The following SMARCAL1 variants were observed in gnomAD, a reference collection of about 807,000 sequenced individuals.
SMARCAL1 encodes the protein ATP-driven annealing helicase.
In SMARCAL1, 58 loss-of-function variants were observed where a neutral mutation model predicts 94.5. The ratio of observed to expected loss-of-function variants is 0.61; its 90% CI spans 0.50 to 0.76. SMARCAL1 has a LOEUF of 0.76. Ranked by LOEUF, SMARCAL1 falls within the 30% of genes least tolerant of loss-of-function variation. The probability of loss-of-function intolerance (pLI) is 0.00; values close to 1 mark genes in which losing one functional copy is unlikely to be tolerated. For synonymous variants in SMARCAL1, 422 were observed against 455.1 expected (o/e 0.93, Z 0.93); for missense variants, 1,051 against 1,177.9 (o/e 0.89, Z 1.58).
intron 10 of SMARCAL1, among the ~76,000 whole-genome samples, chr2:216,446,072 GT>G (rs2106049196): frequency 6.6e-6 from 1 of 152,182 alleles, no homozygotes; most frequent in African/African-American, 2.4e-5. Context: ...TTTACGTCCA[GT>G]AATTTGTAGT....
intron 12 of SMARCAL1, among the ~76,000 whole-genome samples, chr2:216,460,594 C>CAAA (rs1553531601): frequency 1.3e-5 from 2 of 149,612 alleles, no homozygotes; most frequent in Admixed American, 6.7e-5. Flanking sequence ...GGACAAAAAA[C>CAAA]CAAACACTGC....
chr2:216,427,470 G>A (rs1693860958), intron 6 of SMARCAL1: 2 of 152,210 alleles, frequency 1.3e-5, no homozygotes, highest in South Asian at 4.1e-4. Flanking sequence ...AAGATCACTA[G>A]AATTAAAATG....
chr2:216,424,237 G>A (rs1693783933), intron 6 of SMARCAL1, among the ~76,000 whole-genome samples: 1 of 152,196 alleles, frequency 6.6e-6, no homozygotes, highest in Non-Finnish European at 1.5e-5. Context: ...TAGCATAAGT[G>A]CAAGAAGAGG....
intron 6 of SMARCAL1, 115 bp from the exon 7 acceptor site, chr2:216,428,481 T>A (rs1204003029): frequency 2.0e-6 from 2 of 983,804 alleles, no homozygotes; most frequent in African/African-American, 3.2e-5. Context: ...ACCCATTATA[T>A]AGGGACCTAG....
chr2:216,413,540 T>G (rs146939532), intron 1 of SMARCAL1, among the ~76,000 whole-genome samples: 40 of 152,362 alleles, frequency 2.6e-4, no homozygotes, highest in African/African-American at 9.6e-4. Flanking sequence ...ATACTCTAAA[T>G]TATTAATTTC....
chr2:216,476,755 G>A (rs1293663384), intron 15 of SMARCAL1, among the ~76,000 whole-genome samples: 1 of 152,208 alleles, frequency 6.6e-6, no homozygotes, highest in African/African-American at 2.4e-5. Context: ...ATGGAAGTGT[G>A]CAGGCCTCCA....
In SMARCAL1 at chr2:216,478,945, C is replaced by G. The variant is rs528425100; in HGVS notation, c.2625+646C>G. 20 of 163,600 alleles carry G rather than the reference C, an allele frequency of 1.2e-4. No individual in the cohort carries two copies. In the East Asian group the frequency reaches 2.7e-3, roughly 22 times the overall value. The allele number at this position is 163,600 out of a possible 1,614,324, so 10.1% of individuals were successfully genotyped here. A position where few individuals can be genotyped will look rare whatever the true frequency, so the allele number is the denominator to read the frequency against. On this transcript the variant is annotated intron_variant, in intron 17 of 17. Coordinates refer to ENST00000357276, the MANE Select transcript of SMARCAL1 (RefSeq NM_014140.4). ...AAGGTGCTGAGGGGGAAGGCTGTTG[C>G]CTCTGAACAGGACAGCCCTGGGCCC...
intron 14 of SMARCAL1, among the ~76,000 whole-genome samples, chr2:216,471,654 C>G (rs1424721745): frequency 1.3e-5 from 2 of 152,168 alleles, no homozygotes; most frequent in Non-Finnish European, 2.9e-5. Flanking sequence ...ATGCCCAGCC[C>G]ACAGTGGCTA....
At chr2:216,467,430 C>G (rs1215049687) in intron 13 of SMARCAL1, among the ~76,000 whole-genome samples, 1 of 141,840 alleles carries the variant, frequency 7.1e-6, no homozygotes, top group Non-Finnish European at 1.5e-5. Flanking sequence ...GAGATTTCAG[C>G]ACTGCACTCC....
intron 7 of SMARCAL1, among the ~76,000 whole-genome samples, chr2:216,431,869 C>G (rs551067632): frequency 6.6e-6 from 1 of 152,274 alleles, no homozygotes; most frequent in East Asian, 1.9e-4. Flanking sequence ...TGGACAAGCA[C>G]CCTTCCTCCC....
rs1298353160 is a variant in SMARCAL1 at position 216,468,039 on chromosome 2, A to C, written c.2237A>C (p.Glu746Ala). The change falls in exon 14 of 18, where the codon GAG becomes GCG. Residue 746 changes from glutamate to alanine, a missense_variant. Physicochemically the swap from Glu to Ala is moderately radical, Grantham distance 107. This residue lies in a region of SMARCAL1 where 642 missense variants were observed against 754.7 expected (regional missense o/e 0.85). Coordinates refer to ENST00000357276, the MANE Select transcript of SMARCAL1 (RefSeq NM_014140.4). The stretch of plus-strand genomic sequence containing the variant: ...CTGGACGCAATTACGCAAGAGCTTG[A>C]GAGAAAGGTGAGCTCCCTTTGAAAT... ...VVLDAITQEL[E>A]RKHVQHIRID... The C allele has an allele frequency of 1.2e-6, 2 of 1,610,350 alleles. No individual in the cohort carries two copies. The highest frequency in any genetic ancestry group is 2.2e-5 in the East Asian group (1 of 44,850).
intron 4 of SMARCAL1, among the ~76,000 whole-genome samples, chr2:216,416,786 A>G (rs1693612879): frequency 6.6e-6 from 1 of 152,210 alleles, no homozygotes; most frequent in African/African-American, 2.4e-5. Context: ...GTAACAGTTC[A>G]GCAAACAGCA....
At chr2:216,455,410 G>A (rs543060166) in intron 12 of SMARCAL1, among the ~76,000 whole-genome samples, 1 of 152,300 alleles carries the variant, frequency 6.6e-6, no homozygotes, top group East Asian at 1.9e-4. Flanking sequence ...TCCTCAAGTG[G>A]GTCCCTGACC....
chr2:216,455,899 TC>T (rs1195822392), intron 12 of SMARCAL1, among the ~76,000 whole-genome samples: 1 of 152,160 alleles, frequency 6.6e-6, no homozygotes, highest in Non-Finnish European at 1.5e-5. Flanking sequence ...ATCAGATTTC[TC>T]TGAGCTAAAG....
At chr2:216,461,688 G>A (rs1007620733) in intron 12 of SMARCAL1, among the ~76,000 whole-genome samples, 3 of 152,052 alleles carry the variant, frequency 2.0e-5, no homozygotes, top group African/African-American at 7.2e-5. Context: ...AAATTAGCTG[G>A]GCGTGGTAGT....
intron 6 of SMARCAL1, among the ~76,000 whole-genome samples, chr2:216,426,216 T>C (rs1693831001): frequency 6.6e-6 from 1 of 152,256 alleles, no homozygotes; most frequent in Non-Finnish European, 1.5e-5. Context: ...TTCTCGCTTT[T>C]GTCTTTCAAC....
At chr2:216,473,225 T>C (rs992748516) in intron 14 of SMARCAL1, among the ~76,000 whole-genome samples, 3 of 152,084 alleles carry the variant, frequency 2.0e-5, no homozygotes, top group Non-Finnish European at 4.4e-5. Context: ...GTTTGCGGAT[T>C]TTTAGAATTT....
rs1392584068 is a variant in SMARCAL1 at position 216,420,033 on chromosome 2, AAAAAAAAAAAAAAAG to A, written c.863-253_863-239del. On this transcript the variant is annotated intron_variant, in intron 4 of 17. Coordinates refer to ENST00000357276, the MANE Select transcript of SMARCAL1 (RefSeq NM_014140.4). ...GACAGAGCAAGACCCCGTCTCAAAA[AAAAAAAAAAAAAAAG>A]AAAAAAAAAAAAGAAAAACTTACGG... is the stretch of plus-strand genomic sequence containing the variant. 2.2e-3 allele frequency among the ~76,000 whole-genome samples: 325 copies of A among 150,632 alleles called. 1 individual carries two copies. The highest frequency in any genetic ancestry group is 7.6e-3 in the African/African-American group (314 of 41,164).
At chr2:216,461,377 A>G (rs1054479258) in intron 12 of SMARCAL1, among the ~76,000 whole-genome samples, 1 of 151,920 alleles carries the variant, frequency 6.6e-6, no homozygotes, top group African/African-American at 2.4e-5. Context: ...ATATATTTTT[A>G]TGTATCTGCA....
Sources: allele counts gnomAD v4.1 joint callset (sites outside exome capture counted in the v4.1 genomes callset), GRCh38; gene constraint gnomAD v4.1.1; regional missense constraint gnomAD v4.1.1; transcripts MANE v1.5; gene names NCBI Gene and HGNC (gene_info 2026-07-23, HGNC 2026-07-21).